NEBL: variants seen among roughly 807,000 people sequenced by gnomAD.
The protein encoded by NEBL is nebulette.
In NEBL, 122 loss-of-function variants were observed where a neutral mutation model predicts 140.2. That is an observed-to-expected ratio of 0.87 (90% CI 0.75 to 1.01). The LOEUF (loss-of-function observed/expected upper bound fraction) is 1.01, where lower values mean the gene tolerates loss of function less well. Among genes scored for constraint, NEBL ranks in the 50% least tolerant of loss-of-function variants. The probability of loss-of-function intolerance (pLI) is 0.00; values close to 1 mark genes in which losing one functional copy is unlikely to be tolerated. For missense variants in NEBL, 1,365 were observed against 1,231.3 expected, an observed-to-expected ratio of 1.11 and a Z score of -1.62; for synonymous variants, 436 against 398.9, an observed-to-expected ratio of 1.09 and a Z score of -1.11.
intron 14 of NEBL, among the ~76,000 whole-genome samples, chr10:20,833,409 T>A (rs950820318): frequency 4.6e-5 from 7 of 151,968 alleles, no homozygotes; most frequent in African/African-American, 1.7e-4. Context: ...TCCCGAACAT[T>A]GGTTGAAAAT....
At chr10:20,951,387 CAA>C (rs11345723) in intron 4 of NEBL, among the ~76,000 whole-genome samples, 17 of 117,734 alleles carry the variant, frequency 1.4e-4, no homozygotes, top group Admixed American at 2.6e-4. Flanking sequence ...AAAATATGAG[CAA>C]AAAAAAAAAA....
At chr10:20,807,981 TAA>T (rs142094437) in intron 26 of NEBL, among the ~76,000 whole-genome samples, 11 of 139,754 alleles carry the variant, frequency 7.9e-5, no homozygotes, top group African/African-American at 2.6e-4. Flanking sequence ...ATTTCTCATT[TAA>T]AAAAAAAAAA....
At chr10:21,219,307 T>C (rs1194140124) in intron 3 of NEBL, among the ~76,000 whole-genome samples, 2 of 152,252 alleles carry the variant, frequency 1.3e-5, no homozygotes, top group African/African-American at 4.8e-5. Flanking sequence ...TAGTCAGGAC[T>C]GACTTAAAGC....
intron 3 of NEBL, among the ~76,000 whole-genome samples, chr10:21,209,903 G>T (rs947943087): frequency 6.6e-6 from 1 of 151,986 alleles, no homozygotes; most frequent in Non-Finnish European, 1.5e-5. Context: ...CTGGTGTCAC[G>T]CTTGTCAGGA....
chr10:20,932,534 T>G (rs1458501798), intron 4 of NEBL, among the ~76,000 whole-genome samples: 1 of 152,202 alleles, frequency 6.6e-6, no homozygotes, highest in Non-Finnish European at 1.5e-5. Flanking sequence ...GGCACATGTA[T>G]ACCTATGTAA....
chr10:21,143,806 A>G (rs1839759906), intron 2 of NEBL, among the ~76,000 whole-genome samples: 2 of 152,032 alleles, frequency 1.3e-5, no homozygotes, highest in Admixed American at 1.3e-4. Flanking sequence ...TAGATTTTCT[A>G]TTCTAGGACT....
At chr10:20,955,694 TGAAA>T (rs900066094) in intron 4 of NEBL, among the ~76,000 whole-genome samples, 67 of 152,250 alleles carry the variant, frequency 4.4e-4, no homozygotes, top group African/African-American at 1.6e-3. Context: ...AGGGTCTTGA[TGAAA>T]GAGATATTTT....
intron 9 of NEBL, among the ~76,000 whole-genome samples, chr10:20,856,049 A>C (rs747474938): frequency 4.6e-5 from 7 of 152,210 alleles, no homozygotes; most frequent in Non-Finnish European, 7.3e-5. Context: ...ATACAGCTTT[A>C]TACAATGTAC....
At chr10:21,125,655 T>C (rs574089252) in intron 2 of NEBL, 4 of 514,288 alleles carry the variant, frequency 7.8e-6, no homozygotes, top group East Asian at 5.8e-5. Context: ...AATAGTTTGA[T>C]GGATTTGTGC....
chr10:21,133,085 T>C (rs1839190226), intron 2 of NEBL, among the ~76,000 whole-genome samples: 1 of 152,210 alleles, frequency 6.6e-6, no homozygotes, highest in South Asian at 2.1e-4. Context: ...TGTTTTCCTC[T>C]TAGAGTGTTT....
chr10:21,179,558 C>G (rs1356544403), upstream of NEBL, among the ~76,000 whole-genome samples: 2 of 152,058 alleles, frequency 1.3e-5, no homozygotes, highest in Non-Finnish European at 2.9e-5. Flanking sequence ...TTGAGGATCT[C>G]CTCCCACCTC....
In NEBL at chr10:21,044,397, T is replaced by TAAAAAAAAAAA. The variant is rs57176129; in HGVS notation, c.165-24207_165-24197dup. ...GGGTGACTGGGTGACAGAGTAAGAA[T>TAAAAAAAAAAA]AAAAAAAAAAAAAAAAAAAAAAAAA... On this transcript the variant is annotated intron_variant, in intron 2 of 6. Coordinates refer to the NEBL transcript ENST00000417816. 4.6e-4 allele frequency among the ~76,000 whole-genome samples: 16 copies of TAAAAAAAAAAA among 34,866 alleles called. 5 individuals are homozygous for TAAAAAAAAAAA. Among genetic ancestry groups the TAAAAAAAAAAA allele is most frequent in the Admixed American group, 1.1e-3 (2 of 1,752 alleles). 22.9% of individuals were successfully genotyped at this position (34,866 alleles called of 152,430 possible). A position where few individuals can be genotyped will look rare whatever the true frequency, so the allele number is the denominator to read the frequency against.
chr10:20,862,312 T>C (rs960189768), intron 7 of NEBL, among the ~76,000 whole-genome samples: 3 of 152,200 alleles, frequency 2.0e-5, no homozygotes, highest in African/African-American at 4.8e-5. Context: ...TGATTCAAGA[T>C]GCCTAAGGAA....
Position 20,835,499 on chromosome 10 carries a change from C to T in NEBL, c.1449+14G>A, listed in dbSNP as rs373699154. ...AATATGAGTCTTAAGGCCTGCATCA[C>T]GCACCCTACTAACCTCACTCGCTAT... is the stretch of plus-strand genomic sequence containing the variant. On this transcript the variant is annotated intron_variant, in intron 14 of 27. Coordinates refer to ENST00000377122, the MANE Select transcript of NEBL (RefSeq NM_006393.3). 1.9e-4 allele frequency: 302 copies of T among 1,578,316 alleles called. No individual in the cohort carries two copies. The highest frequency in any genetic ancestry group is 2.5e-4 in the Non-Finnish European group (289 of 1,150,374).
intron 3 of NEBL, among the ~76,000 whole-genome samples, chr10:21,230,695 C>G (rs1385794143): frequency 2.0e-5 from 3 of 151,794 alleles, no homozygotes; most frequent in Non-Finnish European, 2.9e-5. Flanking sequence ...ACCTCCGCCC[C>G]CTGGGTTCAA....
Position 21,197,097 on chromosome 10 carries a change from T to C in NEBL, n.349-24620A>G, listed in dbSNP as rs145184605. On this transcript the variant is annotated intron_variant and non_coding_transcript_variant, in intron 3 of 8. Coordinates refer to the NEBL transcript ENST00000675702. ...CTCAGACAAATCGTGGCATATTTAA[T>C]TTTGCTCTTCCACTTGTGAAAAAAA... Among the ~76,000 whole-genome samples, 388 of 152,348 alleles carry C rather than the reference T, an allele frequency of 2.5e-3. 3 individuals are homozygous for C. Among genetic ancestry groups the C allele is most frequent in the African/African-American group, 8.8e-3 (367 of 41,592 alleles).
chr10:21,101,743 GC>G (rs1401758169), intron 2 of NEBL, among the ~76,000 whole-genome samples: 1 of 152,118 alleles, frequency 6.6e-6, no homozygotes, highest in Non-Finnish European at 1.5e-5. Context: ...TGTCAAGCAC[GC>G]CACTAAAACA....
intron 3 of NEBL, among the ~76,000 whole-genome samples, chr10:21,011,861 G>A (rs1430683425): frequency 6.6e-6 from 1 of 152,160 alleles, no homozygotes; most frequent in African/African-American, 2.4e-5. Context: ...CAATGCCCCT[G>A]GCAGCTCCCA....
intron 1 of NEBL, among the ~76,000 whole-genome samples, chr10:21,258,761 C>T (rs1842697673): frequency 6.6e-6 from 1 of 151,930 alleles, no homozygotes; most frequent in Admixed American, 6.6e-5. Flanking sequence ...CGCCTGTAAT[C>T]CCAGCTACTC....
Sources: gnomAD v4.1 joint callset for allele counts (sites outside exome capture counted in the v4.1 genomes callset) on GRCh38, gnomAD v4.1.1 for gene constraint, MANE v1.5 for transcripts, NCBI Gene and HGNC (gene_info 2026-07-23, HGNC 2026-07-21) for gene names.